NALF1: variants seen among roughly 807,000 people sequenced by gnomAD.
NALF1 encodes the protein family with sequence similarity 155 member A.
NALF1 carries 3 observed loss-of-function variants against 48.4 expected under a neutral mutation model. The ratio of observed to expected loss-of-function variants is 0.06; its 90% CI spans 0.03 to 0.16. The LOEUF is 0.16. NALF1 is among the 10% of genes least tolerant of loss of function. The pLI is 1.00. For synonymous variants in NALF1, 262 were observed against 245.7 expected, an observed-to-expected ratio of 1.07 and a Z score of -0.62; for missense variants, 526 against 571.5, an observed-to-expected ratio of 0.92 and a Z score of 0.81.
chr13:107,532,259 T>A (rs1196680250), intron 1 of NALF1, among the ~76,000 whole-genome samples: 1 of 151,308 alleles, frequency 6.6e-6, no homozygotes, highest in East Asian at 1.9e-4. Context: ...TTCTTTGAAA[T>A]CTTATGGATT....
intron 1 of NALF1, among the ~76,000 whole-genome samples, chr13:107,506,873 T>C (rs950107048): frequency 2.0e-5 from 3 of 152,130 alleles, no homozygotes; most frequent in Admixed American, 6.6e-5. Context: ...ATTGACTTTT[T>C]TTTTAATTTC....
chr13:107,257,526 T>C (rs1880843120), intron 1 of NALF1, among the ~76,000 whole-genome samples: 1 of 47,238 alleles, frequency 2.1e-5, no homozygotes, highest in African/African-American at 8.8e-5. Context: ...TGATATCATC[T>C]AGGCTCTAGA....
At chr13:107,511,168 CAAG>C (rs1875877887) in intron 1 of NALF1, among the ~76,000 whole-genome samples, 1 of 152,152 alleles carries the variant, frequency 6.6e-6, no homozygotes. Context: ...CAGTAAAAGT[CAAG>C]AAGTTTGAAG....
chr13:107,532,148 A>T (rs1181642285), intron 1 of NALF1, among the ~76,000 whole-genome samples: 1 of 151,964 alleles, frequency 6.6e-6, no homozygotes, highest in African/African-American at 2.4e-5. Context: ...TTTCTTGCAG[A>T]CAACCAAGAA....
intron 1 of NALF1, among the ~76,000 whole-genome samples, chr13:107,342,464 C>A (rs1460853863): frequency 2.0e-5 from 3 of 152,100 alleles, no homozygotes; most frequent in African/African-American, 7.2e-5. Flanking sequence ...GTCCTTATTT[C>A]CACAGCAATA....
At chr13:107,254,141 C>T (rs1009226403) in intron 1 of NALF1, among the ~76,000 whole-genome samples, 10 of 151,788 alleles carry the variant, frequency 6.6e-5, no homozygotes, top group Non-Finnish European at 1.0e-4. Flanking sequence ...CAATTACACA[C>T]AGGCAAGACA....
intron 1 of NALF1, among the ~76,000 whole-genome samples, chr13:107,580,460 G>T (rs945781722): frequency 6.6e-6 from 1 of 152,026 alleles, no homozygotes; most frequent in African/African-American, 2.4e-5. Flanking sequence ...AAGCCCAATG[G>T]CACCTCTCCC....
In NALF1 at chr13:107,454,421, G is replaced by A. The variant is rs117093764; in HGVS notation, c.916-243666C>T. On this transcript the variant is annotated intron_variant, in intron 1 of 2. Coordinates refer to ENST00000375915, the MANE Select transcript of NALF1 (RefSeq NM_001080396.3). ...CTTCACTAGGTGGCTAGAAGGAGACGTGCCCAACAAAGTGGGAAAGAGCCC... is the reference window on the plus strand; with the variant it reads ...CTTCACTAGGTGGCTAGAAGGAGACATGCCCAACAAAGTGGGAAAGAGCCC... 6.1e-3 allele frequency among the ~76,000 whole-genome samples: 932 copies of A among 152,270 alleles called. 8 individuals carry two copies. Among genetic ancestry groups the A allele is most frequent in the Non-Finnish European group, 8.0e-3 (543 of 68,028 alleles).
chr13:107,168,606 TAAAACAAAG>T lies in NALF1; in HGVS notation c.*1882_*1890del, dbSNP rs890042393. 1 of 152,584 alleles carries T rather than the reference TAAAACAAAG, an allele frequency of 6.6e-6. No individual in the cohort carries two copies. The highest frequency in any genetic ancestry group is 2.4e-5 in the African/African-American group (1 of 41,410). 9.5% of individuals were successfully genotyped at this position (152,584 alleles called of 1,614,324 possible). ...ATTTTCAGTCTCAACAAAACACTAT[TAAAACAAAG>T]AATCTAGTAAAATATTGTGCATGTA... On this transcript the variant is annotated 3_prime_UTR_variant, in exon 3 of 3. Coordinates refer to ENST00000375915, the MANE Select transcript of NALF1 (RefSeq NM_001080396.3).
At chr13:107,281,714 G>T (rs906606259) in intron 1 of NALF1, among the ~76,000 whole-genome samples, 1 of 152,112 alleles carries the variant, frequency 6.6e-6, no homozygotes, top group South Asian at 2.1e-4. Context: ...AAGGAAAGAG[G>T]TTTAATTGAC....
chr13:107,854,753 A>G (rs1417278867), intron 1 of NALF1, among the ~76,000 whole-genome samples: 1 of 151,978 alleles, frequency 6.6e-6, no homozygotes, highest in Non-Finnish European at 1.5e-5. Flanking sequence ...GTGCACCTGT[A>G]ATCCCAGCTA....
intron 1 of NALF1, among the ~76,000 whole-genome samples, chr13:107,430,065 T>C (rs1484273664): frequency 6.6e-6 from 1 of 152,208 alleles, no homozygotes; most frequent in African/African-American, 2.4e-5. Context: ...TTAAGAGAGA[T>C]ATCCATTTCT....
chr13:107,818,871 C>CAAAAAAAAAAAA (rs774372636), intron 1 of NALF1, among the ~76,000 whole-genome samples: 21 of 73,816 alleles, frequency 2.8e-4, no homozygotes, highest in African/African-American at 7.1e-4. Context: ...GACTCCGTCT[C>CAAAAAAAAAAAA]AAAAAAAAAA....
chr13:107,340,265 C>T (rs570800481), intron 1 of NALF1, among the ~76,000 whole-genome samples: 7 of 151,656 alleles, frequency 4.6e-5, no homozygotes, highest in Admixed American at 3.9e-4. Context: ...CTCAGCCTCC[C>T]GAGTAGCTGA....
Position 107,211,414 on chromosome 13 carries a change from GC to G in NALF1, c.916-660del, listed in dbSNP as rs553592279. ...GGAGTAGGAGGGAAGCCTCATCAGA[GC>G]CACAGCTTCAACCTTCTGGATGATG... On this transcript the variant is annotated intron_variant, in intron 1 of 2. Coordinates refer to ENST00000375915, the MANE Select transcript of NALF1 (RefSeq NM_001080396.3). 1.6e-4 allele frequency among the ~76,000 whole-genome samples: 25 copies of G among 152,334 alleles called. No homozygotes were observed. In the South Asian group the frequency reaches 4.8e-3, roughly 29 times the overall value.
chr13:107,408,329 C>T (rs1401068264), intron 1 of NALF1, among the ~76,000 whole-genome samples: 1 of 151,858 alleles, frequency 6.6e-6, no homozygotes, highest in African/African-American at 2.4e-5. Context: ...GTTATGTATA[C>T]CCATTTACCC....
chr13:107,571,804 GTAAAGA>G (rs1050099495), intron 1 of NALF1, among the ~76,000 whole-genome samples: 11 of 152,156 alleles, frequency 7.2e-5, no homozygotes, highest in African/African-American at 2.7e-4. Context: ...CAGTTGGTGG[GTAAAGA>G]TAATTTGAGA....
At chr13:107,397,524 G>A (rs1451803890) in intron 1 of NALF1, among the ~76,000 whole-genome samples, 2 of 152,120 alleles carry the variant, frequency 1.3e-5, no homozygotes, top group Non-Finnish European at 2.9e-5. Context: ...ATCTTGTCCT[G>A]AGAGGCAGTC....
intron 1 of NALF1, among the ~76,000 whole-genome samples, chr13:107,687,055 G>A (rs917307866): frequency 6.6e-6 from 1 of 152,160 alleles, no homozygotes; most frequent in African/African-American, 2.4e-5. Flanking sequence ...CAACTTAAGC[G>A]TCCATCAATG....
Sources: allele counts gnomAD v4.1 joint callset (sites outside exome capture counted in the v4.1 genomes callset), GRCh38; gene constraint gnomAD v4.1.1; transcripts MANE v1.5; gene names NCBI Gene and HGNC (gene_info 2026-07-23, HGNC 2026-07-21).